The following FAM186B variants were observed in gnomAD, a reference collection of about 807,000 sequenced individuals.
FAM186B encodes family with sequence similarity 186 member B.
A neutral mutation model predicts 83.4 loss-of-function variants in FAM186B; 68 were observed. That is an observed-to-expected ratio of 0.81 (90% CI 0.67 to 1.00). The LOEUF is 1.00. FAM186B is among the 50% of genes least tolerant of loss of function. The pLI is 0.00. For missense variants in FAM186B, 983 were observed against 1,099.2 expected (o/e 0.89, Z 1.49); for synonymous variants, 389 against 422.0 (o/e 0.92, Z 0.96).
rs535342326 is a variant in FAM186B, at chr12:49,594,528, A to G, written c.2364+4227T>C. Among the ~76,000 whole-genome samples the G allele has an allele frequency of 1.1e-3, 172 of 152,352 alleles. 2 individuals are homozygous for G. The highest frequency in any genetic ancestry group is 7.6e-3 in the Admixed American group (116 of 15,302). ...ACAATAACAAAATAGAACAATTTTA[A>G]CAATATACTATAATAAAAGTTACGT... On this transcript the variant is annotated intron_variant, in intron 5 of 6. Transcript: ENST00000257894.
intron 5 of FAM186B, among the ~76,000 whole-genome samples, chr12:49,589,805 AC>A (rs1939540234): frequency 1.3e-5 from 2 of 151,906 alleles, no homozygotes; most frequent in African/African-American, 4.8e-5. Context: ...ACATGGTGAA[AC>A]CCCGTCTCTA....
chr12:49,595,850 C>T (rs1343644358), intron 5 of FAM186B, among the ~76,000 whole-genome samples: 5 of 152,054 alleles, frequency 3.3e-5, no homozygotes, highest in Non-Finnish European at 5.9e-5. Flanking sequence ...CCGGGCGTGG[C>T]GGTGGGTGCC....
intron 5 of FAM186B, 109 bp downstream of exon 5, chr12:49,598,646 G>T: frequency 1.0e-6 from 1 of 968,474 alleles, no homozygotes; most frequent in Non-Finnish European, 1.5e-6. Context: ...TCTGCCCCTG[G>T]TCCCGCAGTC....
chr12:49,598,350 C>T (rs183058404), intron 5 of FAM186B, among the ~76,000 whole-genome samples: 202 of 152,244 alleles, frequency 1.3e-3, no homozygotes, highest in South Asian at 0.011. Context: ...GTGAAGATGA[C>T]GGCTGTGCAC....
chr12:49,617,558 T>C, the FAM186B span, among the ~76,000 whole-genome samples: 1 of 152,122 alleles, frequency 6.6e-6, no homozygotes, highest in African/African-American at 2.4e-5. Context: ...AAAAGCAATA[T>C]TTTATTAGTA....
upstream of FAM186B, among the ~76,000 whole-genome samples, chr12:49,606,662 G>A (rs866569615): frequency 6.6e-5 from 10 of 152,060 alleles, no homozygotes; most frequent in Admixed American, 1.3e-4. Flanking sequence ...CTGAAAGGAG[G>A]AATAGGTAAA....
upstream of FAM186B, among the ~76,000 whole-genome samples, chr12:49,607,598 T>C (rs1940048522): frequency 6.6e-6 from 1 of 152,124 alleles, no homozygotes; most frequent in African/African-American, 2.4e-5. Context: ...CTGCCAAACA[T>C]TTAAGAAAAA....
chr12:49,598,950 G>A lies in FAM186B; in HGVS notation c.2172-3C>T. The A allele has an allele frequency of 1.2e-6, 2 of 1,613,214 alleles. No homozygotes were observed. The highest frequency in any genetic ancestry group is 1.7e-6 in the Non-Finnish European group (2 of 1,179,588). ...GTACATGGTTGATCGCTTCTTGCCT[G>A]GGAAAAGAGGAGAAGCAATTTAGGG... On this transcript the variant is annotated splice_polypyrimidine_tract_variant and splice_region_variant and intron_variant, in intron 4 of 6. Transcript: ENST00000257894.
upstream of FAM186B, among the ~76,000 whole-genome samples, chr12:49,606,322 T>C (rs1175792561): frequency 2.0e-5 from 3 of 151,112 alleles, no homozygotes; most frequent in Non-Finnish European, 3.0e-5. Flanking sequence ...GGTGAGAGCC[T>C]AGCTCTACAA....
intron 1 of FAM186B, 136 bp from the exon 2 acceptor site, chr12:49,604,674 T>C (rs948622160): frequency 1.4e-5 from 9 of 649,790 alleles, no homozygotes; most frequent in African/African-American, 3.7e-5. Flanking sequence ...GGAATCATTA[T>C]AGTACCTATG....
At chr12:49,583,046 G>A, downstream of FAM186B, 1 of 456,276 alleles carries the variant, frequency 2.2e-6, no homozygotes, top group South Asian at 1.5e-5. Flanking sequence ...CGTGCAGAAG[G>A]TCAAAGTCCT....
chr12:49,599,841 G>C lies in FAM186B; in HGVS notation c.1799C>G (p.Thr600Ser). ...RRPHLPMSPS[T>S]QQPALGKQRP... ...CTGCTTTCCCAGGGCAGGCTGCTGGGTACTAGGAGACATGGGCAAGTGTGG... is the reference window on the plus strand; with the variant it reads ...CTGCTTTCCCAGGGCAGGCTGCTGGCTACTAGGAGACATGGGCAAGTGTGG... The change falls in exon 4 of 7, where the codon ACC (threonine) becomes AGC (serine). Residue 600 changes from threonine (T) to serine (S), a missense_variant. Transcript: ENST00000257894. 1 of 1,610,104 alleles carries C rather than the reference G, an allele frequency of 6.2e-7. No homozygotes were observed. Among genetic ancestry groups the C allele is most frequent in the Non-Finnish European group, 8.5e-7 (1 of 1,177,684 alleles).
At chr12:49,614,495 C>T in the FAM186B span, among the ~76,000 whole-genome samples, 2 of 152,286 alleles carry the variant, frequency 1.3e-5, no homozygotes, top group African/African-American at 2.4e-5. Flanking sequence ...CCAAATACCA[C>T]GTGTTCTCAC....
Position 49,600,691 on chromosome 12 carries a change from G to A in FAM186B, c.949C>T (p.Gln317Ter), listed in dbSNP as rs1797181221. The A allele has an allele frequency of 6.2e-7, 1 of 1,614,134 alleles. No homozygotes were observed. The highest frequency in any genetic ancestry group is 8.5e-7 in the Non-Finnish European group (1 of 1,180,022). ...GTAGCATTCTGAGCCTTCTTCAGCT[G>A]GAACTCCAAGGCCTGCTTCATCAGG... ...LLLMKQALEF[Q>*]LKKAQNATGQ... is the part of the protein sequence containing the mutation. The change falls in exon 4 of 7, where the codon CAG becomes TAG. Residue 317 changes from glutamine to a stop codon, truncating the protein, a stop_gained. Transcript: ENST00000257894. LOFTEE classifies it high-confidence loss of function. The surrounding 1 kb of genome is among the most constrained non-coding windows in gnomAD (Gnocchi z 4.3).
At chr12:49,614,833 A>G in the FAM186B span, among the ~76,000 whole-genome samples, 13 of 152,136 alleles carry the variant, frequency 8.5e-5, no homozygotes, top group African/African-American at 2.9e-4. Context: ...GTGAGTGATA[A>G]AGGACTACAC....
chr12:49,585,986 GC>G (rs1206111862), downstream of FAM186B, among the ~76,000 whole-genome samples: 2 of 152,190 alleles, frequency 1.3e-5, no homozygotes, highest in African/African-American at 4.8e-5. Flanking sequence ...AATGCAGGGA[GC>G]CCCCACACTG....
rs762722323 is a variant in FAM186B at position 49,603,281 on chromosome 12, C to CT, written c.408dup (p.Val137SerfsTer25). On this transcript the variant is annotated frameshift_variant, in exon 3 of 7. Transcript: ENST00000257894. LOFTEE classifies it high-confidence loss of function. ...GTGGCAATGAGGGACAGCGGTAACA[C>CT]TTTCTCCGTCACTTCAATCCATTCG... 4 of 1,614,220 alleles carry CT rather than the reference C, an allele frequency of 2.5e-6. No homozygotes were observed. The East Asian group carries it at 6.7e-5, about 27-fold the overall frequency.
the FAM186B span, among the ~76,000 whole-genome samples, chr12:49,617,021 CT>C: frequency 6.6e-6 from 1 of 152,148 alleles, no homozygotes; most frequent in African/African-American, 2.4e-5. Context: ...TTTGCATACC[CT>C]TTTCCCCTGG....
upstream of FAM186B, among the ~76,000 whole-genome samples, chr12:49,606,340 TA>T (rs1185108611): frequency 6.6e-6 from 1 of 150,932 alleles, no homozygotes; most frequent in Non-Finnish European, 1.5e-5. Flanking sequence ...CAAAAAAATT[TA>T]AAAAATAGCC....
Sources: allele counts gnomAD v4.1 joint callset (sites outside exome capture counted in the v4.1 genomes callset), GRCh38; gene constraint gnomAD v4.1.1; non-coding constraint Gnocchi (gnomAD v3.1); transcripts MANE v1.5; gene names NCBI Gene and HGNC (gene_info 2026-07-23, HGNC 2026-07-21).